TRABD2B: variants seen among roughly 807,000 people sequenced by gnomAD.
The protein encoded by TRABD2B is TraB domain containing 2B.
Under a neutral mutation model 40.1 loss-of-function variants are expected in TRABD2B, and 14 were observed. The observed-to-expected ratio is 0.35, with a 90% CI of 0.23 to 0.55. TRABD2B has a LOEUF of 0.55. TRABD2B is among the 20% of genes least tolerant of loss of function. The probability of loss-of-function intolerance (pLI) is 0.90; values close to 1 mark genes in which losing one functional copy is unlikely to be tolerated. For missense variants in TRABD2B, 541 were observed against 648.6 expected, an observed-to-expected ratio of 0.83 and a Z score of 1.80; for synonymous variants, 263 against 277.0, an observed-to-expected ratio of 0.95 and a Z score of 0.50.
chr1:47,822,452 G>C (rs1485794265), intron 2 of TRABD2B, among the ~76,000 whole-genome samples: 1 of 151,984 alleles, frequency 6.6e-6, no homozygotes, highest in Non-Finnish European at 1.5e-5. Context: ...CCCTGTCACA[G>C]GGGTGATGAG....
At chr1:47,780,608 GGGTCA>G (rs1469782769) in intron 4 of TRABD2B, among the ~76,000 whole-genome samples, 1 of 152,128 alleles carries the variant, frequency 6.6e-6, no homozygotes, top group Non-Finnish European at 1.5e-5. Flanking sequence ...AGCCAGCCTG[GGGTCA>G]AGCAGACTTC....
chr1:47,896,643 A>G (rs1644526113), intron 2 of TRABD2B, among the ~76,000 whole-genome samples: 1 of 152,138 alleles, frequency 6.6e-6, no homozygotes, highest in Non-Finnish European at 1.5e-5. Flanking sequence ...TTGCCAGGCT[A>G]TGTGTGATCT....
intron 2 of TRABD2B, among the ~76,000 whole-genome samples, chr1:47,909,568 G>A (rs1470524842): frequency 1.1e-5 from 1 of 87,340 alleles, no homozygotes; most frequent in Non-Finnish European, 2.3e-5. Flanking sequence ...GAAGGAGGAG[G>A]AGGAGGAGGA....
At position 47,809,074 on chromosome 1, in the gene TRABD2B, G is replaced by A. The variant is rs114654415; in HGVS notation, c.667-7455C>T. On this transcript the variant is annotated intron_variant, in intron 2 of 6. Coordinates refer to ENST00000606738, the MANE Select transcript of TRABD2B (RefSeq NM_001194986.2). ...CTGCCCAGGATCCCCTCCTCTGCAC[G>A]TCCTCTGTCTGGAAACCTCTCTCCA... is the stretch of plus-strand genomic sequence containing the variant. 3.8e-3 allele frequency among the ~76,000 whole-genome samples: 581 copies of A among 152,138 alleles called. 6 individuals are homozygous for A. Among genetic ancestry groups the A allele is most frequent in the African/African-American group, 0.012 (516 of 41,506 alleles).
At position 47,780,409 on chromosome 1, in the gene TRABD2B, C is replaced by T. The variant is rs11811262; in HGVS notation, c.989-1865G>A. 1.6e-3 allele frequency among the ~76,000 whole-genome samples: 251 copies of T among 152,320 alleles called. 4 individuals are homozygous for T. Among genetic ancestry groups the T allele is most frequent in the African/African-American group, 5.9e-3 (245 of 41,578 alleles). Reference sequence around the variant, plus strand: ...CTCCCTCTCTTATTTCCTTTCCCCACCTATTCATCTCGTTCATTTAATGAA... The same window carrying T: ...CTCCCTCTCTTATTTCCTTTCCCCATCTATTCATCTCGTTCATTTAATGAA... On this transcript the variant is annotated intron_variant, in intron 4 of 6. Coordinates refer to ENST00000606738, the MANE Select transcript of TRABD2B (RefSeq NM_001194986.2).
chr1:47,794,509 T>C, intron 4 of TRABD2B, 77 bp downstream of exon 4: 1 of 1,391,704 alleles, frequency 7.2e-7, no homozygotes, highest in South Asian at 1.5e-5. Flanking sequence ...TCTCCCTCGA[T>C]GAAGTAGAGG....
intron 4 of TRABD2B, among the ~76,000 whole-genome samples, chr1:47,788,348 G>T (rs1644625126): frequency 6.6e-6 from 1 of 152,194 alleles, no homozygotes; most frequent in Admixed American, 6.5e-5. Flanking sequence ...AGCTTCACAG[G>T]TGTGTTTTGG....
At chr1:47,967,017 G>A (rs1645613612) in intron 2 of TRABD2B, among the ~76,000 whole-genome samples, 1 of 152,064 alleles carries the variant, frequency 6.6e-6, no homozygotes, top group Admixed American at 6.5e-5. Context: ...TTAAAAATGG[G>A]AGAAAAACAG....
chr1:47,820,770 A>C (rs900438823), intron 2 of TRABD2B, among the ~76,000 whole-genome samples: 1 of 128,860 alleles, frequency 7.8e-6, no homozygotes, highest in African/African-American at 3.0e-5. Context: ...AATACTGAGA[A>C]GTTCACACAC....
At chr1:47,879,583 T>C (rs954438137) in intron 2 of TRABD2B, among the ~76,000 whole-genome samples, 1 of 152,276 alleles carries the variant, frequency 6.6e-6, no homozygotes, top group Non-Finnish European at 1.5e-5. Flanking sequence ...AAGTCATGCA[T>C]GACTCTATAC....
chr1:47,898,944 T>C (rs939247000), intron 2 of TRABD2B, among the ~76,000 whole-genome samples: 4 of 152,190 alleles, frequency 2.6e-5, no homozygotes, highest in African/African-American at 4.8e-5. Context: ...CATTCACTCA[T>C]TCATTCATTC....
chr1:47,862,637 A>G (rs2124559893), intron 2 of TRABD2B, among the ~76,000 whole-genome samples: 1 of 152,314 alleles, frequency 6.6e-6, no homozygotes, highest in East Asian at 1.9e-4. Flanking sequence ...GGAAGACAAT[A>G]TTTTCAAGAT....
intron 2 of TRABD2B, among the ~76,000 whole-genome samples, chr1:47,931,071 C>T (rs767575606): frequency 3.3e-5 from 5 of 152,150 alleles, no homozygotes; most frequent in Non-Finnish European, 7.4e-5. Context: ...TCTGTATTAT[C>T]GACTGCTCTA....
chr1:47,922,024 A>G (rs1441774680), intron 2 of TRABD2B, among the ~76,000 whole-genome samples: 2 of 152,198 alleles, frequency 1.3e-5, no homozygotes, highest in Admixed American at 1.3e-4. Flanking sequence ...AGCTAATGAG[A>G]GGCAGAACTG....
intron 2 of TRABD2B, among the ~76,000 whole-genome samples, chr1:47,846,073 G>A (rs1237595470): frequency 1.3e-5 from 2 of 152,144 alleles, no homozygotes; most frequent in Non-Finnish European, 2.9e-5. Context: ...CCCATACCTG[G>A]CTTTATGGCA....
chr1:47,807,106 T>C (rs1048916371), intron 2 of TRABD2B, among the ~76,000 whole-genome samples: 2 of 152,178 alleles, frequency 1.3e-5, no homozygotes, highest in African/African-American at 4.8e-5. Flanking sequence ...ATACATAAAT[T>C]ATTAGTAAAA....
At chr1:47,984,141 A>C (rs1645882149) in intron 2 of TRABD2B, among the ~76,000 whole-genome samples, 1 of 152,258 alleles carries the variant, frequency 6.6e-6, no homozygotes, top group African/African-American at 2.4e-5. Context: ...GGGAGGAAGG[A>C]GGCAAATCCT....
intron 2 of TRABD2B, among the ~76,000 whole-genome samples, chr1:47,930,033 AC>A (rs1033748850): frequency 2.0e-5 from 3 of 152,096 alleles, no homozygotes; most frequent in Admixed American, 1.3e-4. Flanking sequence ...ACTGTGATAC[AC>A]TGTGAGACCA....
intron 4 of TRABD2B, among the ~76,000 whole-genome samples, chr1:47,786,779 C>A (rs1244308165): frequency 6.6e-6 from 1 of 152,134 alleles, no homozygotes; most frequent in African/African-American, 2.4e-5. Context: ...TGGCTCACTG[C>A]AGCCTTGACA....
Sources: allele counts gnomAD v4.1 joint callset (sites outside exome capture counted in the v4.1 genomes callset), GRCh38; gene constraint gnomAD v4.1.1; transcripts MANE v1.5; gene names NCBI Gene and HGNC (gene_info 2026-07-23, HGNC 2026-07-21).